PIEZO2: variants seen among roughly 807,000 people sequenced by gnomAD.
The protein encoded by PIEZO2 is piezo type mechanosensitive ion channel component 2.
A neutral mutation model predicts 337.3 loss-of-function variants in PIEZO2; 172 were observed. The ratio of observed to expected loss-of-function variants is 0.51; its 90% CI spans 0.45 to 0.58. The LOEUF (loss-of-function observed/expected upper bound fraction) is 0.58, where lower values mean the gene tolerates loss of function less well. Among genes scored for constraint, PIEZO2 ranks in the 20% least tolerant of loss-of-function variants. The pLI, the probability that PIEZO2 is intolerant of heterozygous loss-of-function variation, is 0.00. For synonymous variants in PIEZO2, 1,251 were observed against 1,228.5 expected, an observed-to-expected ratio of 1.02 and a Z score of -0.38; for missense variants, 3,028 against 3,391.3, an observed-to-expected ratio of 0.89 and a Z score of 2.66.
chr18:10,983,324 A>G (rs546672302), intron 2 of PIEZO2, among the ~76,000 whole-genome samples: 1 of 152,028 alleles, frequency 6.6e-6, no homozygotes, highest in African/African-American at 2.4e-5. Context: ...GGAACAAAAA[A>G]CCCAAGAGTA....
In PIEZO2 at chr18:11,070,634, G is replaced by A. The variant is rs551000545; in HGVS notation, c.65-4412C>T. On this transcript the variant is annotated intron_variant, in intron 1 of 55. Transcript: ENST00000674853. The surrounding 1 kb of genome is among the most constrained non-coding windows in gnomAD (Gnocchi z 4.3). ...ACTGCAAAAGGGAGACTAGACTGTCGTGACTGCCGGTAAGGATGTCCTTGC... is the reference window on the plus strand; with the variant it reads ...ACTGCAAAAGGGAGACTAGACTGTCATGACTGCCGGTAAGGATGTCCTTGC... Among the ~76,000 whole-genome samples the A allele has an allele frequency of 2.6e-5, 4 of 152,334 alleles. No homozygotes were observed. Among genetic ancestry groups the A allele is most frequent in the South Asian group, 2.1e-4 (1 of 4,826 alleles).
intron 31 of PIEZO2, 55 bp from the exon 32 acceptor site, chr18:10,742,670 G>C: frequency 2.4e-5 from 37 of 1,521,588 alleles, no homozygotes; most frequent in Non-Finnish European, 3.3e-5. Flanking sequence ...GTTCTCATGT[G>C]GTCAGTACTT....
intron 7 of PIEZO2, among the ~76,000 whole-genome samples, chr18:10,839,881 T>C (rs1037173608): frequency 6.6e-6 from 1 of 152,192 alleles, no homozygotes; most frequent in African/African-American, 2.4e-5. Context: ...AAGTTGTATG[T>C]AAACTTACAG....
chr18:11,133,004 C>A (rs1310976899), intron 1 of PIEZO2, among the ~76,000 whole-genome samples: 1 of 152,118 alleles, frequency 6.6e-6, no homozygotes, highest in African/African-American at 2.4e-5. Context: ...TCCTGAGATG[C>A]TTGCTGAAGG....
At position 10,787,133 on chromosome 18, in the gene PIEZO2, C is replaced by A; in HGVS notation, c.2221G>T (p.Val741Phe). The change falls in exon 16 of 56, where the codon GTT becomes TTT. Residue 741 changes from valine (V) to phenylalanine (F), a missense_variant. Transcript: ENST00000674853. ...ATAAGCACCAGCATAGTGTAAATAA[C>A]CACTGACATCCAAAAATATTTTAGA... Reference protein sequence around the residue: ...KILKYFWMSVVIYTMLVLIFI... With the variant: ...KILKYFWMSVFIYTMLVLIFI... 1.3e-6 allele frequency: 2 copies of A among 1,533,890 alleles called. No individual in the cohort carries two copies. Among genetic ancestry groups the A allele is most frequent in the Non-Finnish European group, 1.7e-6 (2 of 1,145,678 alleles).
At chr18:11,051,364 TGTGTGG>T (rs1273716458) in intron 2 of PIEZO2, among the ~76,000 whole-genome samples, 55 of 151,966 alleles carry the variant, frequency 3.6e-4, no homozygotes, top group South Asian at 8.3e-4. Flanking sequence ...TGTGTGTGTG[TGTGTGG>T]GTGTGGGTGT....
chr18:11,066,606 G>GT (rs1046417728), intron 1 of PIEZO2, among the ~76,000 whole-genome samples: 9 of 152,194 alleles, frequency 5.9e-5, no homozygotes, highest in African/African-American at 2.2e-4. Flanking sequence ...CAGACTTTTT[G>GT]TTTTTTTGTT....
chr18:10,704,523 G>T lies in PIEZO2; in HGVS notation c.6129C>A (p.Ile2043=). The T allele has an allele frequency of 6.5e-7, 1 of 1,537,256 alleles. No homozygotes were observed. The highest frequency in any genetic ancestry group is 8.7e-7 in the Non-Finnish European group (1 of 1,146,922). ...AGGCAGAGACCATGTGGTTGAGGAT[G>T]ATCACGAAGTAGCACACCATCTCCG... The part of the protein sequence containing the change: ...ARSEMVCYFV[I]ILNHMVSASM... Residue 2043 remains isoleucine (I), a synonymous_variant, in exon 42 of 56, where the codon ATC becomes ATA. Transcript: ENST00000674853.
chr18:10,711,131 T>C (rs1038349192), intron 39 of PIEZO2, among the ~76,000 whole-genome samples: 4 of 152,236 alleles, frequency 2.6e-5, no homozygotes, highest in Non-Finnish European at 5.9e-5. Context: ...ATGAGTGTGG[T>C]TTCCTATTTG....
chr18:10,826,472 G>A (rs1281290037), intron 7 of PIEZO2, among the ~76,000 whole-genome samples: 4 of 152,128 alleles, frequency 2.6e-5, no homozygotes, highest in Non-Finnish European at 4.4e-5. Context: ...CTCTATACAT[G>A]TATAGTGATT....
intron 9 of PIEZO2, among the ~76,000 whole-genome samples, chr18:10,802,166 A>G (rs1288605018): frequency 1.3e-5 from 2 of 152,020 alleles, no homozygotes; most frequent in Admixed American, 6.6e-5. Context: ...TAAGATTTGC[A>G]TACTGTCTAC....
rs143643445 is a variant in PIEZO2 at position 10,940,719 on chromosome 18, G to A, written c.287-29491C>T. Among the ~76,000 whole-genome samples, 1,517 of 152,246 alleles carry A rather than the reference G, an allele frequency of 1.0e-2. 30 individuals are homozygous for A. The highest frequency in any genetic ancestry group is 0.034 in the African/African-American group (1,416 of 41,532). ...TCTACTAAAAAGACAAAAATTAGCTGGGCATGGTGGCTCGCGCCTGTAGTC... is the reference window on the plus strand; with the variant it reads ...TCTACTAAAAAGACAAAAATTAGCTAGGCATGGTGGCTCGCGCCTGTAGTC... On this transcript the variant is annotated intron_variant, in intron 3 of 55. Transcript: ENST00000674853. This position sits in a 1 kb window ranked among gnomAD's most constrained non-coding sequence, Gnocchi z 5.3.
intron 3 of PIEZO2, among the ~76,000 whole-genome samples, chr18:10,976,861 T>G (rs2034458828): frequency 6.6e-6 from 1 of 152,172 alleles, no homozygotes; most frequent in African/African-American, 2.4e-5. Context: ...CAGCTGTGAC[T>G]ACACTTGAGA....
intron 3 of PIEZO2, among the ~76,000 whole-genome samples, chr18:10,976,223 G>T (rs1358773965): frequency 6.6e-6 from 1 of 152,120 alleles, no homozygotes; most frequent in Non-Finnish European, 1.5e-5. Flanking sequence ...AGTTTGCAAA[G>T]CTCTGAAGTT....
chr18:10,751,607 C>T (rs1053478922), intron 28 of PIEZO2, among the ~76,000 whole-genome samples: 2 of 152,128 alleles, frequency 1.3e-5, no homozygotes, highest in Non-Finnish European at 1.5e-5. Context: ...ATACACGTGC[C>T]CCCCCGAAAA....
chr18:10,892,383 C>T (rs916160003), intron 4 of PIEZO2, among the ~76,000 whole-genome samples: 5 of 152,036 alleles, frequency 3.3e-5, no homozygotes, highest in African/African-American at 1.2e-4. Context: ...ACACAAAAGG[C>T]CATAGACTCC....
At chr18:11,025,231 G>A (rs578101193) in intron 2 of PIEZO2, among the ~76,000 whole-genome samples, 1 of 152,240 alleles carries the variant, frequency 6.6e-6, no homozygotes, top group East Asian at 1.9e-4. Flanking sequence ...TTCATTTGGG[G>A]TTACAATTAA....
chr18:10,731,985 T>C (rs1240856584), intron 35 of PIEZO2, among the ~76,000 whole-genome samples: 1 of 152,176 alleles, frequency 6.6e-6, no homozygotes, highest in South Asian at 2.1e-4. Flanking sequence ...TTCTGAATAA[T>C]AGCTATTACC....
chr18:10,955,092 A>G (rs1163752603), intron 3 of PIEZO2, among the ~76,000 whole-genome samples: 3 of 152,192 alleles, frequency 2.0e-5, no homozygotes, highest in Non-Finnish European at 4.4e-5. Flanking sequence ...GAAAGCCGAG[A>G]GAGATGTGGG....
Sources: allele counts gnomAD v4.1 joint callset (sites outside exome capture counted in the v4.1 genomes callset), GRCh38; gene constraint gnomAD v4.1.1; non-coding constraint Gnocchi (gnomAD v3.1); transcripts MANE v1.5; gene names NCBI Gene and HGNC (gene_info 2026-07-23, HGNC 2026-07-21).